CLK3: variants seen among roughly 807,000 people sequenced by gnomAD.
CLK3 encodes the protein dual specificity protein kinase CLK3.
Under a neutral mutation model 65.2 loss-of-function variants are expected in CLK3, and 24 were observed. The ratio of observed to expected loss-of-function variants is 0.37; its 90% CI spans 0.27 to 0.52. CLK3 has a LOEUF of 0.52. CLK3 is among the 20% of genes least tolerant of loss of function. The pLI is 0.92. For missense variants in CLK3, 506 were observed against 660.0 expected, an observed-to-expected ratio of 0.77 and a Z score of 2.56; for synonymous variants, 252 against 240.8, an observed-to-expected ratio of 1.05 and a Z score of -0.43.
chr15:74,630,186 C>G lies in CLK3; in HGVS notation c.*303C>G. 3.2e-6 allele frequency: 1 copy of G among 308,820 alleles called. No individual in the cohort carries two copies. Among genetic ancestry groups the G allele is most frequent in the Non-Finnish European group, 6.1e-6 (1 of 163,906 alleles). 19.1% of individuals were successfully genotyped at this position (308,820 alleles called of 1,614,324 possible). ...CCTTACCTGACCTTATTAATAAAGT[C>G]TTTCTTAGCAGTTCAGCTTGTGGAG... is the stretch of plus-strand genomic sequence containing the variant. On this transcript the variant is annotated 3_prime_UTR_variant, in exon 13 of 13. Coordinates refer to ENST00000395066, the MANE Select transcript of CLK3 (RefSeq NM_001130028.2).
At chr15:74,614,509 C>G (rs2141531423), upstream of CLK3, among the ~76,000 whole-genome samples, 1 of 152,346 alleles carries the variant, frequency 6.6e-6, no homozygotes, top group African/African-American at 2.4e-5. Flanking sequence ...GAAGGGGACC[C>G]AGTTTTGAAT....
chr15:74,622,643 T>C lies in CLK3; in HGVS notation c.533+83T>C, dbSNP rs1052314990. ...GCCTGAGGTTCTTGAGGGTGGCAGC[T>C]ATCAGAGCTTAACTTTTTTCTTTTT... On this transcript the variant is annotated intron_variant, in intron 5 of 12. Coordinates refer to ENST00000395066, the MANE Select transcript of CLK3 (RefSeq NM_001130028.2). The surrounding 1 kb of genome is among the most constrained non-coding windows in gnomAD (Gnocchi z 4.6). The C allele has an allele frequency of 9.2e-7, 1 of 1,086,900 alleles. No homozygotes were observed. The highest frequency in any genetic ancestry group is 2.4e-5 in the Admixed American group (1 of 41,438). 67.3% of individuals were successfully genotyped at this position (1,086,900 alleles called of 1,614,324 possible).
upstream of CLK3, among the ~76,000 whole-genome samples, chr15:74,612,875 A>T (rs962580028): frequency 1.3e-5 from 2 of 152,234 alleles, no homozygotes; most frequent in African/African-American, 4.8e-5. Context: ...TAGAAGTGAC[A>T]GGCTTTCCAT....
At chr15:74,625,776 G>A in intron 6 of CLK3, 26 bp from the exon 7 acceptor site, 4 of 1,613,288 alleles carry the variant, frequency 2.5e-6, no homozygotes, top group Non-Finnish European at 3.4e-6. Flanking sequence ...CACACAGCCT[G>A]AGCCCTGCCC....
At chr15:74,616,784 G>T (rs1191698549) in intron 1 of CLK3, among the ~76,000 whole-genome samples, 1 of 152,240 alleles carries the variant, frequency 6.6e-6, no homozygotes, top group Non-Finnish European at 1.5e-5. Context: ...GGCAGCCGCT[G>T]ACCTGGCTGG....
At position 74,620,150 on chromosome 15, in the gene CLK3, G is replaced by C; in HGVS notation, c.294G>C (p.Arg98Ser). 6.2e-7 allele frequency: 1 copy of C among 1,614,110 alleles called. No homozygotes were observed. Among genetic ancestry groups the C allele is most frequent in the Non-Finnish European group, 8.5e-7 (1 of 1,180,046 alleles). The change falls in exon 3 of 13, where the codon AGG becomes AGC. Residue 98 changes from arginine to serine, a missense_variant. By Grantham distance (110) the Arg-to-Ser change is moderately radical. Transcript: ENST00000395066. ...RSRHRRRSRERGPYRTRKHAH... is the reference protein window; with the variant it reads ...RSRHRRRSRESGPYRTRKHAH... The stretch of plus-strand genomic sequence containing the variant: ...GTCATCGTCGGCGATCGCGGGAGAG[G>C]GGGCCATACCGGACCCGCAAGCATG...
chr15:74,619,287 G>C lies in CLK3; in HGVS notation c.91G>C (p.Glu31Gln). 1 of 1,614,180 alleles carries C rather than the reference G, an allele frequency of 6.2e-7. No individual in the cohort carries two copies. Residue 31 changes from glutamate to glutamine, a missense_variant, in exon 2 of 13, where the codon GAA (glutamate) becomes CAA (glutamine). Transcript: ENST00000395066. ...GAGGAGGTCCTACAGTCGGGAACAT[G>C]AAGGGAGACTGCGATACCCGTCCCG... Reference protein sequence around the residue: ...KRRRSYSREHEGRLRYPSRRE... With the variant: ...KRRRSYSREHQGRLRYPSRRE...
chr15:74,616,036 C>T lies in CLK3; in HGVS notation c.-1+138C>T, dbSNP rs540885856. 2.4e-3 allele frequency: 1,503 copies of T among 624,172 alleles called. 2 individuals carry two copies. The highest frequency in any genetic ancestry group is 8.0e-3 in the South Asian group (103 of 12,870). The allele number at this position is 624,172 out of a possible 1,614,324, so 38.7% of individuals were successfully genotyped here. A position where few individuals can be genotyped will look rare whatever the true frequency, so the allele number is the denominator to read the frequency against. On this transcript the variant is annotated intron_variant, in intron 1 of 12. Transcript: ENST00000395066. The stretch of plus-strand genomic sequence containing the variant: ...CTCTTCGGCCCATATCGGGCCGCGA[C>T]CTCTCACCCCTGACCCGCTGCTTCT...
In CLK3 at chr15:74,624,282, T is replaced by G. The variant is rs953166277; in HGVS notation, c.534-620T>G. 2 of 152,478 alleles carry G rather than the reference T, an allele frequency of 1.3e-5. No homozygotes were observed. The highest frequency in any genetic ancestry group is 4.8e-5 in the African/African-American group (2 of 41,444). 9.4% of individuals were successfully genotyped at this position (152,478 alleles called of 1,614,324 possible). ...GCACAGAGCAGGGACTGTTAAAACC[T>G]TCTTTGGACACTTAAGAAGGGTTCC... On this transcript the variant is annotated intron_variant, in intron 5 of 12. Coordinates refer to ENST00000395066, the MANE Select transcript of CLK3 (RefSeq NM_001130028.2). This position sits in a 1 kb window ranked among gnomAD's most constrained non-coding sequence, Gnocchi z 4.2.
intron 1 of CLK3, chr15:74,618,989 G>T: frequency 1.8e-6 from 1 of 556,754 alleles, no homozygotes; most frequent in Non-Finnish European, 3.2e-6. Context: ...CTGTTTGTTT[G>T]TTCACTGGCA....
intron 1 of CLK3, among the ~76,000 whole-genome samples, chr15:74,617,779 A>G (rs1481889567): frequency 1.3e-5 from 2 of 152,222 alleles, no homozygotes; most frequent in African/African-American, 2.4e-5. Context: ...TTCTGGGTCA[A>G]TTAGTGGGGT....
chr15:74,611,105 C>T (rs2061983981), upstream of CLK3, among the ~76,000 whole-genome samples: 1 of 152,202 alleles, frequency 6.6e-6, no homozygotes, highest in African/African-American at 2.4e-5. Context: ...GCCCTTCCTT[C>T]ACCTCCAGCA....
chr15:74,616,129 C>T (rs1204026880), intron 1 of CLK3, among the ~76,000 whole-genome samples: 1 of 152,264 alleles, frequency 6.6e-6, no homozygotes, highest in Non-Finnish European at 1.5e-5. Context: ...GCCTGAACGG[C>T]CTCTGGGGCC....
chr15:74,613,042 T>TG (rs2062010413), upstream of CLK3, among the ~76,000 whole-genome samples: 1 of 152,136 alleles, frequency 6.6e-6, no homozygotes, highest in African/African-American at 2.4e-5. Context: ...GAGGTGACCC[T>TG]GGGGCCAAGG....
At position 74,628,789 on chromosome 15, in the gene CLK3, G is replaced by A. The variant is rs1044171469; in HGVS notation, c.1205+106G>A. ...GGTGAGTCTTTGCTGGACAGTCCAT[G>A]GTTCCGCAGGCTCCTAAAAGCCTTC... On this transcript the variant is annotated intron_variant, in intron 11 of 12. Transcript: ENST00000395066. The A allele has an allele frequency of 2.0e-5, 22 of 1,082,326 alleles. No homozygotes were observed. In the African/African-American group the frequency reaches 3.3e-4, roughly 16 times the overall value. The allele number at this position is 1,082,326 out of a possible 1,614,324, so 67.0% of individuals were successfully genotyped here. A position where few individuals can be genotyped will look rare whatever the true frequency, so the allele number is the denominator to read the frequency against.
At position 74,627,981 on chromosome 15, in the gene CLK3, G is replaced by A; in HGVS notation, c.1054G>A (p.Ala352Thr). ...ATCTTGGCTTGCAGAGCTGGGCTGG[G>A]CACAGCCCTGTGACGTCTGGAGCAT... ...PPEVILELGW[A>T]QPCDVWSIGC... is the part of the protein sequence containing the mutation. Residue 352 changes from alanine to threonine, a missense_variant, in exon 10 of 13, where the codon GCA becomes ACA. Ala to Thr is a moderately conservative substitution (Grantham distance 58, BLOSUM62 0). Coordinates refer to ENST00000395066, the MANE Select transcript of CLK3 (RefSeq NM_001130028.2). The surrounding 1 kb of genome is among the most constrained non-coding windows in gnomAD (Gnocchi z 4.3). 1 of 1,613,302 alleles carries A rather than the reference G, an allele frequency of 6.2e-7. No homozygotes were observed. The highest frequency in any genetic ancestry group is 8.5e-7 in the Non-Finnish European group (1 of 1,179,206).
rs887380610 is a variant in CLK3 at position 74,627,532 on chromosome 15, C to T, written c.913-7C>T. On this transcript the variant is annotated splice_polypyrimidine_tract_variant and splice_region_variant and intron_variant, in intron 8 of 12. Coordinates refer to ENST00000395066, the MANE Select transcript of CLK3 (RefSeq NM_001130028.2). The surrounding 1 kb of genome is among the most constrained non-coding windows in gnomAD (Gnocchi z 4.3). ...TCCTGACCTGGCAGGCCTGCCTTGCCTTTCAGAGCTGTGAGGAGAAGTCAG... is the reference window on the plus strand; with the variant it reads ...TCCTGACCTGGCAGGCCTGCCTTGCTTTTCAGAGCTGTGAGGAGAAGTCAG... 6.2e-7 allele frequency: 1 copy of T among 1,614,126 alleles called. No homozygotes were observed. Among genetic ancestry groups the T allele is most frequent in the African/African-American group, 1.3e-5 (1 of 74,940 alleles).
At chr15:74,615,343 A>G, upstream of CLK3, 1 of 1,029,368 alleles carries the variant, frequency 9.7e-7, no homozygotes, top group Non-Finnish European at 1.2e-6. Flanking sequence ...GCACACACCA[A>G]GATAATAATG....
chr15:74,627,115 A>G lies in CLK3; in HGVS notation c.818-237A>G. ...AGGAGAGGTGGAGGGAGGTTTTTCG[A>G]ATGGCAAATTTCTTTCCTACCCCCC... is the stretch of plus-strand genomic sequence containing the variant. On this transcript the variant is annotated intron_variant, in intron 7 of 12. Coordinates refer to ENST00000395066, the MANE Select transcript of CLK3 (RefSeq NM_001130028.2). This position sits in a 1 kb window ranked among gnomAD's most constrained non-coding sequence, Gnocchi z 4.3. The G allele has an allele frequency of 1.6e-6, 1 of 612,790 alleles. No homozygotes were observed. Among genetic ancestry groups the G allele is most frequent in the East Asian group, 3.4e-5 (1 of 29,476 alleles). 38.0% of individuals were successfully genotyped at this position (612,790 alleles called of 1,614,324 possible).
Sources: allele counts gnomAD v4.1 joint callset (sites outside exome capture counted in the v4.1 genomes callset), GRCh38; gene constraint gnomAD v4.1.1; non-coding constraint Gnocchi (gnomAD v3.1); transcripts MANE v1.5; gene names NCBI Gene and HGNC (gene_info 2026-07-23, HGNC 2026-07-21).